Variants in RNF169 observed in about 807,000 individuals in gnomAD.
The protein encoded by RNF169 is E3 ubiquitin-protein ligase RNF169.
In RNF169, 24 loss-of-function variants were observed where a neutral mutation model predicts 53.9. The observed-to-expected ratio is 0.45, with a 90% confidence interval of 0.32 to 0.63. The LOEUF is 0.63. Among genes scored for constraint, RNF169 ranks in the 20% least tolerant of loss-of-function variants. The pLI, the probability that RNF169 is intolerant of heterozygous loss-of-function variation, is 0.04. For synonymous variants in RNF169, 396 were observed against 363.5 expected, an observed-to-expected ratio of 1.09 and a Z score of -1.02; for missense variants, 883 against 906.2, an observed-to-expected ratio of 0.97 and a Z score of 0.33.
intron 1 of RNF169, among the ~76,000 whole-genome samples, chr11:74,785,802 T>C (rs1339621794): frequency 6.6e-6 from 1 of 152,182 alleles, no homozygotes; most frequent in Non-Finnish European, 1.5e-5. Context: ...GCCAGAGGCA[T>C]AGTAAGATTT....
At chr11:74,789,159 T>G (rs1432565714) in intron 1 of RNF169, among the ~76,000 whole-genome samples, 1 of 152,244 alleles carries the variant, frequency 6.6e-6, no homozygotes, top group Admixed American at 6.5e-5. Flanking sequence ...ATGTTACTGT[T>G]TTCTATATTT....
At chr11:74,757,963 A>T (rs1323606909) in intron 1 of RNF169, among the ~76,000 whole-genome samples, 1 of 78,290 alleles carries the variant, frequency 1.3e-5, no homozygotes, top group Non-Finnish European at 2.2e-5. Flanking sequence ...GTTCACTCTG[A>T]TGGTAGTTTC....
chr11:74,798,976 C>G (rs1264347814), intron 2 of RNF169, among the ~76,000 whole-genome samples: 2 of 151,410 alleles, frequency 1.3e-5, no homozygotes, highest in Non-Finnish European at 2.9e-5. Context: ...ATTGCTTGAG[C>G]CTGGAAGGTT....
chr11:74,836,192 G>A lies in RNF169; in HGVS notation c.1589G>A (p.Cys530Tyr), dbSNP rs750460583. The A allele has an allele frequency of 4.3e-6, 7 of 1,614,086 alleles. No homozygotes were observed. In the East Asian group the frequency reaches 1.1e-4, roughly 26 times the overall value. The change falls in exon 6 of 6, where the codon TGT (cysteine) becomes TAT (tyrosine). Residue 530 changes from cysteine (C) to tyrosine (Y), a missense_variant. Around this residue, in one of 3 missense-constraint regions of RNF169, gnomAD observed 351 missense variants for 337.3 expected, o/e 1.04. Coordinates refer to ENST00000299563, the MANE Select transcript of RNF169 (RefSeq NM_001098638.2). ...SSTEIPLETCCSSELKGGGSG... is the reference protein window; with the variant it reads ...SSTEIPLETCYSSELKGGGSG... ...ACTGAGATCCCACTGGAAACCTGCTGTTCCTCAGAACTCAAAGGGGGAGGC... is the reference window on the plus strand; with the variant it reads ...ACTGAGATCCCACTGGAAACCTGCTATTCCTCAGAACTCAAAGGGGGAGGC...
At chr11:74,805,087 G>A (rs2035785960) in intron 2 of RNF169, among the ~76,000 whole-genome samples, 1 of 152,186 alleles carries the variant, frequency 6.6e-6, no homozygotes, top group Non-Finnish European at 1.5e-5. Context: ...TGACATGAAT[G>A]TCCATAGTAG....
chr11:74,809,948 G>A (rs118131593), intron 2 of RNF169, among the ~76,000 whole-genome samples: 1 of 152,248 alleles, frequency 6.6e-6, no homozygotes, highest in South Asian at 2.1e-4. Flanking sequence ...TAGCTTTTAT[G>A]ATTTCATATT....
intron 1 of RNF169, among the ~76,000 whole-genome samples, chr11:74,770,211 T>TACTCTTGGAGAGCCCAGGAAA: frequency 6.6e-6 from 1 of 152,358 alleles, no homozygotes; most frequent in South Asian, 2.1e-4. Context: ...GAGTTCAGGG[T>TACTCTTGGAGAGCCCAGGAAA]ACTCTTGGAG....
At chr11:74,790,617 C>T (rs920167733) in intron 2 of RNF169, among the ~76,000 whole-genome samples, 6 of 152,256 alleles carry the variant, frequency 3.9e-5, no homozygotes, top group East Asian at 3.9e-4. Flanking sequence ...CTGCTAAAGG[C>T]GAGCCAGGTG....
intron 4 of RNF169, among the ~76,000 whole-genome samples, chr11:74,825,804 A>G (rs188847982): frequency 6.6e-6 from 1 of 152,234 alleles, no homozygotes; most frequent in Non-Finnish European, 1.5e-5. Flanking sequence ...ATCTGTCATG[A>G]CCAAGTAGGC....
At chr11:74,809,756 G>A (rs1378023168) in intron 2 of RNF169, among the ~76,000 whole-genome samples, 1 of 152,206 alleles carries the variant, frequency 6.6e-6, no homozygotes, top group Non-Finnish European at 1.5e-5. Context: ...TTAGAACTGC[G>A]TTAAGTCACT....
intron 2 of RNF169, among the ~76,000 whole-genome samples, chr11:74,796,678 A>G (rs2035653968): frequency 6.6e-6 from 1 of 151,856 alleles, no homozygotes; most frequent in Non-Finnish European, 1.5e-5. Flanking sequence ...GGTGGGGGAA[A>G]AGATTGAAGG....
intron 1 of RNF169, among the ~76,000 whole-genome samples, chr11:74,778,363 C>T (rs1053414213): frequency 2.0e-5 from 3 of 152,036 alleles, no homozygotes; most frequent in Non-Finnish European, 4.4e-5. Context: ...TATGTTATCA[C>T]GAATTTTTTT....
chr11:74,749,489 A>C, intron 1 of RNF169, 107 bp downstream of exon 1: 1 of 976,806 alleles, frequency 1.0e-6, no homozygotes, highest in Admixed American at 4.6e-5. Flanking sequence ...GCGGGTGTGG[A>C]GAGTTCTCGT....
In RNF169 at chr11:74,836,670, G is replaced by T; in HGVS notation, c.2067G>T (p.Arg689=). ...MFDNERRTVS[R]RKGSVDQYLL... is the part of the protein sequence containing the mutation. ...ACAATGAGAGGCGGACTGTGAGCCGGCGAAAAGGAAGTGTGGATCAGTATC... is the reference window on the plus strand; with the variant it reads ...ACAATGAGAGGCGGACTGTGAGCCGTCGAAAAGGAAGTGTGGATCAGTATC... Residue 689 remains arginine, a synonymous_variant, in exon 6 of 6, where the codon CGG becomes CGT. Coordinates refer to ENST00000299563, the MANE Select transcript of RNF169 (RefSeq NM_001098638.2). 8.7e-6 allele frequency: 14 copies of T among 1,613,616 alleles called. No individual in the cohort carries two copies. The highest frequency in any genetic ancestry group is 1.2e-5 in the Non-Finnish European group (14 of 1,180,042).
intron 4 of RNF169, among the ~76,000 whole-genome samples, chr11:74,833,552 C>CT (rs1238044052): frequency 3.3e-5 from 5 of 152,116 alleles, no homozygotes; most frequent in South Asian, 4.2e-4. Context: ...CCTATGCATA[C>CT]TTTTTTTTGT....
rs2135154626 is a variant in RNF169, at chr11:74,835,695, G to A, written c.1092G>A (p.Glu364=). 3 of 1,614,130 alleles carry A rather than the reference G, an allele frequency of 1.9e-6. No homozygotes were observed. Among genetic ancestry groups the A allele is most frequent in the Non-Finnish European group, 2.5e-6 (3 of 1,180,026 alleles). ...CCTTGGCTTCCCTGCATAAGCCAGAGCGTTCTGTCAGCCCTGAGAGCAATG... is the reference window on the plus strand; with the variant it reads ...CCTTGGCTTCCCTGCATAAGCCAGAACGTTCTGTCAGCCCTGAGAGCAATG... ...LSSLASLHKP[E]RSVSPESNDS... The change falls in exon 6 of 6, where the codon GAG becomes GAA. Residue 364 remains glutamate (E), a synonymous_variant. Coordinates refer to ENST00000299563, the MANE Select transcript of RNF169 (RefSeq NM_001098638.2).
chr11:74,798,526 C>T (rs1048594880), intron 2 of RNF169, among the ~76,000 whole-genome samples: 5 of 152,168 alleles, frequency 3.3e-5, no homozygotes, highest in East Asian at 1.9e-4. Context: ...CAGTGGTACC[C>T]GAAACTTCAT....
rs2135188785 is a variant in RNF169, at chr11:74,841,461, TC to T, written c.*4732del. On this transcript the variant is annotated 3_prime_UTR_variant, in exon 6 of 6. Coordinates refer to ENST00000299563, the MANE Select transcript of RNF169 (RefSeq NM_001098638.2). Reference sequence around the variant, plus strand: ...TATGCAAGGGTCACCAGTTTAGAGATCAGTCAAATTGGAAAAAGTGCCAAGA... The same window carrying T: ...TATGCAAGGGTCACCAGTTTAGAGATAGTCAAATTGGAAAAAGTGCCAAGA... 6.6e-6 allele frequency: 1 copy of T among 152,310 alleles called. No individual in the cohort carries two copies. The highest frequency in any genetic ancestry group is 2.1e-4 in the South Asian group (1 of 4,826). The allele number at this position is 152,310 out of a possible 1,614,324, so 9.4% of individuals were successfully genotyped here.
intron 1 of RNF169, among the ~76,000 whole-genome samples, chr11:74,779,309 G>C (rs901827906): frequency 3.9e-5 from 6 of 152,160 alleles, no homozygotes; most frequent in South Asian, 2.1e-4. Flanking sequence ...AGTAGTAGTA[G>C]TACTACTACT....
Sources: gnomAD v4.1 joint callset for allele counts (sites outside exome capture counted in the v4.1 genomes callset) on GRCh38, gnomAD v4.1.1 for gene constraint, gnomAD v4.1.1 regional missense constraint, MANE v1.5 for transcripts, NCBI Gene and HGNC (gene_info 2026-07-23, HGNC 2026-07-21) for gene names.